The following TET3 variants were observed in gnomAD, a reference collection of about 807,000 sequenced individuals.
TET3 encodes the protein tet methylcytosine dioxygenase 3.
A neutral mutation model predicts 141.4 loss-of-function variants in TET3; 19 were observed. The observed-to-expected ratio is 0.13, with a 90% CI of 0.09 to 0.20. The LOEUF is 0.20. Ranked by LOEUF, TET3 falls within the 10% of genes least tolerant of loss-of-function variation. The pLI is 1.00. For missense variants in TET3, 1,874 were observed against 2,356.9 expected, an observed-to-expected ratio of 0.80 and a Z score of 4.24; for synonymous variants, 1,043 against 980.9, an observed-to-expected ratio of 1.06 and a Z score of -1.18.
chr2:73,990,767 A>G (rs1233450727), intron 2 of TET3, among the ~76,000 whole-genome samples: 1 of 152,220 alleles, frequency 6.6e-6, no homozygotes, highest in Non-Finnish European at 1.5e-5. Context: ...GGAATCTTTC[A>G]ACAATATCAG....
At chr2:74,131,294 C>T in the TET3 span, among the ~76,000 whole-genome samples, 1 of 152,210 alleles carries the variant, frequency 6.6e-6, no homozygotes, top group Non-Finnish European at 1.5e-5. Context: ...GCTTTGGCCT[C>T]TCCAGTCCAT....
At chr2:74,112,928 A>AC (rs201589883), downstream of TET3, among the ~76,000 whole-genome samples, 1,511 of 137,540 alleles carry the variant, frequency 0.011, 25 homozygotes, top group African/African-American at 0.039. Context: ...TTGATATGGG[A>AC]CCCGAGAGGC....
chr2:74,057,843 G>T (rs1415531539), intron 4 of TET3, among the ~76,000 whole-genome samples: 1 of 152,166 alleles, frequency 6.6e-6, no homozygotes, highest in Non-Finnish European at 1.5e-5. Flanking sequence ...AATTCTGTAG[G>T]AAAAGTGGAG....
intron 2 of TET3, chr2:73,993,735 A>G (rs1004056226): frequency 3.9e-5 from 6 of 152,052 alleles, no homozygotes; most frequent in African/African-American, 9.7e-5. Flanking sequence ...CTGATCTACA[A>G]AGTTATCAGA....
chr2:74,070,204 G>A (rs1333458856), intron 4 of TET3, among the ~76,000 whole-genome samples: 1 of 147,064 alleles, frequency 6.8e-6, no homozygotes, highest in Non-Finnish European at 1.5e-5. Context: ...ACATACCTGA[G>A]ACTGGGTAAT....
At chr2:74,029,386 G>C (rs187292290) in intron 3 of TET3, among the ~76,000 whole-genome samples, 1 of 152,298 alleles carries the variant, frequency 6.6e-6, no homozygotes, top group East Asian at 1.9e-4. Context: ...TGGGAATATA[G>C]CAAACAGGAG....
intron 2 of TET3, among the ~76,000 whole-genome samples, chr2:74,002,371 AC>A (rs547898904): frequency 9.2e-5 from 6 of 64,996 alleles, no homozygotes; most frequent in African/African-American, 1.2e-4. Flanking sequence ...ATCCCCCCCC[AC>A]CCCCCCGGCG....
rs745642936 is a variant in TET3, at chr2:74,047,408, CTCCCCG to C, written c.1492_1497del (p.Ser498_Pro499del). ...AGGTCAAGGTGGAGGCACCCTCTTC[CTCCCCG>C]GCCCCGGCCCCATCCCCTGTACTTC... On this transcript the variant is annotated inframe_deletion, in exon 4 of 12. Coordinates refer to ENST00000409262, the MANE Select transcript of TET3 (RefSeq NM_001287491.2). 1.9e-6 allele frequency: 3 copies of C among 1,613,302 alleles called. No individual in the cohort carries two copies. The highest frequency in any genetic ancestry group is 4.5e-5 in the East Asian group (2 of 44,862).
intron 4 of TET3, among the ~76,000 whole-genome samples, chr2:74,061,996 G>A (rs1284106006): frequency 1.3e-5 from 2 of 152,094 alleles, no homozygotes; most frequent in African/African-American, 4.8e-5. Context: ...AGGCAGAGAC[G>A]CTCCTCACTT....
chr2:74,076,136 G>T (rs1327618112), intron 5 of TET3, among the ~76,000 whole-genome samples: 1 of 151,876 alleles, frequency 6.6e-6, no homozygotes, highest in Admixed American at 6.6e-5. Flanking sequence ...TTTGAAATTT[G>T]GTAAGATAAG....
At chr2:74,120,128 G>A in the TET3 span, among the ~76,000 whole-genome samples, 1 of 152,216 alleles carries the variant, frequency 6.6e-6, no homozygotes, top group Non-Finnish European at 1.5e-5. Context: ...GGACCTCCAG[G>A]TTCTTCCCTG....
chr2:74,011,101 G>T (rs1685405737), intron 3 of TET3, among the ~76,000 whole-genome samples: 1 of 151,890 alleles, frequency 6.6e-6, no homozygotes. Flanking sequence ...GGTGGTGGGT[G>T]CCCATAATCC....
chr2:74,083,171 C>T (rs1158102391), intron 6 of TET3, among the ~76,000 whole-genome samples: 2 of 152,298 alleles, frequency 1.3e-5, no homozygotes, highest in African/African-American at 4.8e-5. Context: ...GCCCAGAGAG[C>T]CCTCTGATCA....
intron 4 of TET3, among the ~76,000 whole-genome samples, chr2:74,056,659 G>A (rs1260393121): frequency 6.6e-6 from 1 of 151,974 alleles, no homozygotes; most frequent in Non-Finnish European, 1.5e-5. Context: ...TTATGGAGAA[G>A]GAAGAAATAT....
chr2:74,107,830 T>C lies in TET3; in HGVS notation c.*5654T>C, dbSNP rs951106782. The C allele has an allele frequency of 6.6e-6, 1 of 152,280 alleles. No homozygotes were observed. Among genetic ancestry groups the C allele is most frequent in the Non-Finnish European group, 1.5e-5 (1 of 68,038 alleles). 9.4% of individuals were successfully genotyped at this position (152,280 alleles called of 1,614,324 possible). A position where few individuals can be genotyped will look rare whatever the true frequency, so the allele number is the denominator to read the frequency against. On this transcript the variant is annotated 3_prime_UTR_variant, in exon 12 of 12. Transcript: ENST00000409262. Reference sequence around the variant, plus strand: ...GGGTTGATGGATGAATGGTAGATTTTTGCAATGTCTCAAGGCAATAGGATG... The same window carrying C: ...GGGTTGATGGATGAATGGTAGATTTCTGCAATGTCTCAAGGCAATAGGATG...
chr2:74,026,609 TG>T (rs1209237412), intron 3 of TET3, among the ~76,000 whole-genome samples: 2 of 152,262 alleles, frequency 1.3e-5, no homozygotes, highest in Admixed American at 6.5e-5. Context: ...AAACATGATT[TG>T]TTTTTTAACA....
downstream of TET3, among the ~76,000 whole-genome samples, chr2:74,109,373 A>AT (rs1691647469): frequency 6.6e-6 from 1 of 152,190 alleles, no homozygotes; most frequent in Non-Finnish European, 1.5e-5. Context: ...ACCCATATGT[A>AT]TTTTTTCAAA....
chr2:74,041,200 C>T (rs958661229), intron 3 of TET3, among the ~76,000 whole-genome samples: 1 of 152,172 alleles, frequency 6.6e-6, no homozygotes, highest in Non-Finnish European at 1.5e-5. Context: ...TAGATGGAAC[C>T]TAAGCTTTTC....
intron 10 of TET3, among the ~76,000 whole-genome samples, chr2:74,095,399 C>G (rs541930641): frequency 2.0e-5 from 3 of 152,292 alleles, no homozygotes; most frequent in Admixed American, 6.5e-5. Context: ...ATGAGGTGAT[C>G]TGGATCGCAG....
Sources: gnomAD v4.1 joint callset for allele counts (sites outside exome capture counted in the v4.1 genomes callset) on GRCh38, gnomAD v4.1.1 for gene constraint, MANE v1.5 for transcripts, NCBI Gene and HGNC (gene_info 2026-07-23, HGNC 2026-07-21) for gene names.